CWF19L2: variants seen among roughly 807,000 people sequenced by gnomAD.
CWF19L2 encodes the protein CWF19 like cell cycle control factor 2, also known as CWF19-like protein 2.
CWF19L2 carries 98 observed loss-of-function variants against 111.7 expected under a neutral mutation model. That is an observed-to-expected ratio of 0.88 (90% CI 0.75 to 1.04). The LOEUF (loss-of-function observed/expected upper bound fraction) is 1.04, where lower values mean the gene tolerates loss of function less well. Ranked by LOEUF, CWF19L2 falls within the 50% of genes least tolerant of loss-of-function variation. The pLI is 0.00. For synonymous variants in CWF19L2, 351 were observed against 342.9 expected (o/e 1.02, Z -0.26); for missense variants, 1,101 against 1,051.4 (o/e 1.05, Z -0.65).
chr11:107,349,792 A>C (rs1475092842), intron 13 of CWF19L2, among the ~76,000 whole-genome samples: 3 of 152,200 alleles, frequency 2.0e-5, no homozygotes, highest in African/African-American at 7.2e-5. Context: ...TTTGCTGACA[A>C]ACAACAAAGT....
Position 107,342,545 on chromosome 11 carries a change from T to A in CWF19L2, c.2203-5832A>T, listed in dbSNP as rs535701561. Among the ~76,000 whole-genome samples the A allele has an allele frequency of 1.1e-4, 17 of 152,262 alleles. 1 individual carries two copies. The South Asian group carries it at 1.5e-3, about 13-fold the overall frequency. On this transcript the variant is annotated intron_variant, in intron 14 of 17. Transcript: ENST00000282251. ...GCACTCTGTATGATTTCAATTGTTT[T>A]AAATTTGCTGAGATTAGTTTTGTGG...
In CWF19L2 at chr11:107,429,117, G is replaced by C. The variant is rs369104991; in HGVS notation, c.1115C>G (p.Ser372Cys). Residue 372 changes from serine to cysteine, a missense_variant, in exon 8 of 18, where the codon TCT becomes TGT. By Grantham distance (112) the Ser-to-Cys change is moderately radical. Transcript: ENST00000282251. ...GTGAAATGACAGTTCTTCATCATCA[G>C]AGGGTCTCAAGAATTTAGCTCTCAA... The part of the protein sequence containing the change: ...GNLRAKFLRP[S>C]DDEELSFHSK... 1 of 1,613,674 alleles carries C rather than the reference G, an allele frequency of 6.2e-7. No individual in the cohort carries two copies. The highest frequency in any genetic ancestry group is 1.3e-5 in the African/African-American group (1 of 74,898).
chr11:107,335,153 A>C (rs572869785), intron 15 of CWF19L2, among the ~76,000 whole-genome samples, 192 bp from the exon 16 acceptor site: 68 of 152,312 alleles, frequency 4.5e-4, no homozygotes, highest in African/African-American at 1.6e-3. Flanking sequence ...CCATTAGCCA[A>C]AGATAATATT....
chr11:107,420,587 T>C (rs1035714683), intron 8 of CWF19L2, among the ~76,000 whole-genome samples: 7 of 152,084 alleles, frequency 4.6e-5, no homozygotes, highest in African/African-American at 1.4e-4. Flanking sequence ...CCCCCTTATC[T>C]GCAGGAGTTA....
At chr11:107,335,757 T>A (rs1214657081) in intron 15 of CWF19L2, among the ~76,000 whole-genome samples, 1 of 152,214 alleles carries the variant, frequency 6.6e-6, no homozygotes, top group Non-Finnish European at 1.5e-5. Context: ...CTCATGTTTT[T>A]ACAGTATTGT....
intron 14 of CWF19L2, among the ~76,000 whole-genome samples, chr11:107,347,658 A>G (rs1305476396): frequency 6.6e-6 from 1 of 152,220 alleles, no homozygotes; most frequent in Non-Finnish European, 1.5e-5. Flanking sequence ...AATGTAAACT[A>G]TACTAGAAAT....
At chr11:107,333,146 C>T (rs576734532) in intron 16 of CWF19L2, among the ~76,000 whole-genome samples, 2 of 151,634 alleles carry the variant, frequency 1.3e-5, no homozygotes, top group Non-Finnish European at 2.9e-5. Flanking sequence ...CCTTCATTGA[C>T]TGTAACCCTC....
At chr11:107,432,985 T>C (rs1861485766) in intron 7 of CWF19L2, among the ~76,000 whole-genome samples, 2 of 152,320 alleles carry the variant, frequency 1.3e-5, no homozygotes, top group African/African-American at 4.8e-5. Context: ...TTAAAATGTA[T>C]ATATTTACTG....
intron 12 of CWF19L2, among the ~76,000 whole-genome samples, chr11:107,357,062 C>T (rs1259924693): frequency 1.3e-5 from 2 of 151,868 alleles, no homozygotes; most frequent in African/African-American, 4.8e-5. Flanking sequence ...AAAACAAAAA[C>T]AAAAACAAAA....
intron 10 of CWF19L2, among the ~76,000 whole-genome samples, chr11:107,396,408 T>A (rs1003689592): frequency 6.6e-6 from 1 of 152,100 alleles, no homozygotes; most frequent in Non-Finnish European, 1.5e-5. Flanking sequence ...AATTAACAAA[T>A]CCCAAAATGC....
At chr11:107,359,365 G>C (rs565647526) in intron 12 of CWF19L2, among the ~76,000 whole-genome samples, 11 of 152,174 alleles carry the variant, frequency 7.2e-5, no homozygotes, top group Non-Finnish European at 1.6e-4. Flanking sequence ...ACAGTGAACT[G>C]TCCTTTTGAA....
chr11:107,447,535 T>TG (rs1332167065), intron 3 of CWF19L2, among the ~76,000 whole-genome samples: 7 of 152,142 alleles, frequency 4.6e-5, no homozygotes, highest in African/African-American at 1.7e-4. Flanking sequence ...TCCATGACAA[T>TG]CAGCAGAGAA....
At chr11:107,438,019 G>T (rs545142393) in intron 6 of CWF19L2, among the ~76,000 whole-genome samples, 5 of 152,164 alleles carry the variant, frequency 3.3e-5, no homozygotes, top group Admixed American at 1.3e-4. Flanking sequence ...GAAAAAAAAA[G>T]AAACTGTTAA....
chr11:107,421,682 TA>T (rs1861304478), intron 8 of CWF19L2, among the ~76,000 whole-genome samples: 1 of 152,102 alleles, frequency 6.6e-6, no homozygotes, highest in South Asian at 2.1e-4. Flanking sequence ...CTAGAAGAGC[TA>T]AAATTTACAA....
intron 16 of CWF19L2, among the ~76,000 whole-genome samples, chr11:107,333,524 C>T (rs1170838602): frequency 6.6e-6 from 1 of 152,008 alleles, no homozygotes; most frequent in Admixed American, 6.6e-5. Flanking sequence ...AAGTGAAAAA[C>T]GTAGCACAAA....
chr11:107,418,619 T>C (rs1031144720), intron 8 of CWF19L2, among the ~76,000 whole-genome samples: 5 of 152,256 alleles, frequency 3.3e-5, no homozygotes, highest in Admixed American at 6.5e-5. Context: ...AACCAGGCCA[T>C]AATTCTATAC....
At chr11:107,410,968 G>A (rs1203696513) in intron 10 of CWF19L2, among the ~76,000 whole-genome samples, 1 of 152,078 alleles carries the variant, frequency 6.6e-6, no homozygotes, top group Admixed American at 6.5e-5. Context: ...CAAAAAATGA[G>A]AAGAAAATGG....
At chr11:107,430,113 G>A (rs1861444333) in intron 7 of CWF19L2, among the ~76,000 whole-genome samples, 2 of 151,392 alleles carry the variant, frequency 1.3e-5, no homozygotes, top group African/African-American at 2.4e-5. Flanking sequence ...AATTTCCCCA[G>A]CCGATTTCTC....
Position 107,366,805 on chromosome 11 carries a change from CA to C in CWF19L2, c.1873-13070del, listed in dbSNP as rs1413283381. On this transcript the variant is annotated intron_variant, in intron 12 of 17. Coordinates refer to ENST00000282251, the MANE Select transcript of CWF19L2 (RefSeq NM_152434.3). Reference sequence around the variant, plus strand: ...TCTAAAACACCAAAAGCAATGGCAACAAAAGCCAAAATTGACAAATGGGATC... The same window carrying C: ...TCTAAAACACCAAAAGCAATGGCAACAAAGCCAAAATTGACAAATGGGATC... 1.6e-3 allele frequency among the ~76,000 whole-genome samples: 57 copies of C among 34,820 alleles called. 1 individual carries two copies. The highest frequency in any genetic ancestry group is 6.9e-3 in the African/African-American group (50 of 7,230). The allele number at this position is 34,820 out of a possible 152,430, so 22.8% of individuals were successfully genotyped here. A position where few individuals can be genotyped will look rare whatever the true frequency, so the allele number is the denominator to read the frequency against.
Sources: gnomAD v4.1 joint callset for allele counts (sites outside exome capture counted in the v4.1 genomes callset) on GRCh38, gnomAD v4.1.1 for gene constraint, MANE v1.5 for transcripts, NCBI Gene and HGNC (gene_info 2026-07-23, HGNC 2026-07-21) for gene names.